The following CDH13 variants were observed in gnomAD, a reference collection of about 807,000 sequenced individuals.
The protein encoded by CDH13 is cadherin 13, also known as cadherin-13.
In CDH13, 24 loss-of-function variants were observed where a neutral mutation model predicts 63.8. The ratio of observed to expected loss-of-function variants is 0.38; its 90% CI spans 0.27 to 0.53. The LOEUF (loss-of-function observed/expected upper bound fraction) is 0.53, where lower values mean the gene tolerates loss of function less well. Among genes scored for constraint, CDH13 ranks in the 20% least tolerant of loss-of-function variants. CDH13 has a pLI of 0.85. For synonymous variants in CDH13, 503 were observed against 355.3 expected, an observed-to-expected ratio of 1.42 and a Z score of -4.67; for missense variants, 1,049 against 903.1, an observed-to-expected ratio of 1.16 and a Z score of -2.07.
chr16:83,513,119 C>G (rs1009954845), intron 7 of CDH13, among the ~76,000 whole-genome samples: 12 of 151,906 alleles, frequency 7.9e-5, no homozygotes, highest in Non-Finnish European at 1.5e-4. Context: ...TGTCTTCGAG[C>G]CTATAATGCC....
At chr16:83,141,395 TTGA>T (rs2036523215) in intron 4 of CDH13, among the ~76,000 whole-genome samples, 1 of 152,212 alleles carries the variant, frequency 6.6e-6, no homozygotes, top group African/African-American at 2.4e-5. Flanking sequence ...CTTGACATAA[TTGA>T]TGTCAGCATG....
At chr16:83,275,927 G>T (rs2088972819) in intron 5 of CDH13, among the ~76,000 whole-genome samples, 1 of 152,096 alleles carries the variant, frequency 6.6e-6, no homozygotes, top group South Asian at 2.1e-4. Context: ...TATGCTTTAT[G>T]TTCTATAATA....
chr16:83,031,696 T>C (rs1341956911), intron 2 of CDH13, among the ~76,000 whole-genome samples: 6 of 152,120 alleles, frequency 3.9e-5, no homozygotes, highest in Non-Finnish European at 8.8e-5. Context: ...ATGCCAGGAT[T>C]AGATCACTTC....
intron 5 of CDH13, among the ~76,000 whole-genome samples, chr16:83,316,513 T>G (rs2090108717): frequency 6.6e-6 from 1 of 151,812 alleles, no homozygotes; most frequent in Non-Finnish European, 1.5e-5. Context: ...AAAGCAGAAG[T>G]GGGGCAAATG....
At chr16:83,181,015 A>G in intron 4 of CDH13, 2 of 1,523,340 alleles carry the variant, frequency 1.3e-6, no homozygotes, top group Non-Finnish European at 1.8e-6. Context: ...CAAACATTTT[A>G]CTTCCCACTA....
At chr16:83,046,534 G>A (rs1173593717) in intron 3 of CDH13, among the ~76,000 whole-genome samples, 2 of 152,142 alleles carry the variant, frequency 1.3e-5, no homozygotes, top group Non-Finnish European at 2.9e-5. Context: ...ACATAGGCAG[G>A]AAAATTTCAA....
At chr16:82,922,431 G>A (rs549933510) in intron 2 of CDH13, among the ~76,000 whole-genome samples, 3 of 152,272 alleles carry the variant, frequency 2.0e-5, no homozygotes, top group East Asian at 3.9e-4. Context: ...TCAGATTAGT[G>A]TATAGAAGTT....
chr16:83,326,725 A>C (rs969591090), intron 5 of CDH13, among the ~76,000 whole-genome samples: 2 of 152,232 alleles, frequency 1.3e-5, no homozygotes, highest in Non-Finnish European at 2.9e-5. Flanking sequence ...GGAACAAGTC[A>C]CTAAGACACT....
At chr16:83,308,277 TG>T in intron 5 of CDH13, among the ~76,000 whole-genome samples, 1 of 152,186 alleles carries the variant, frequency 6.6e-6, no homozygotes, top group Non-Finnish European at 1.5e-5. Flanking sequence ...AAGCCAGGAA[TG>T]ACCTGGCTCA....
intron 10 of CDH13, among the ~76,000 whole-genome samples, chr16:83,736,287 T>A (rs1012079805): frequency 6.6e-6 from 1 of 152,218 alleles, no homozygotes; most frequent in African/African-American, 2.4e-5. Flanking sequence ...GATAAGTGTA[T>A]TTCTGGATTT....
chr16:83,188,638 G>T lies in CDH13; in HGVS notation c.484-28707G>T, dbSNP rs1389861543. 3.9e-5 allele frequency among the ~76,000 whole-genome samples: 6 copies of T among 152,110 alleles called. No homozygotes were observed. In the East Asian group the frequency reaches 1.2e-3, roughly 29 times the overall value. On this transcript the variant is annotated intron_variant, in intron 4 of 13. Coordinates refer to ENST00000567109, the MANE Select transcript of CDH13 (RefSeq NM_001257.5). ...TGTAACAGGCTGCCTCCCCTCCAAA[G>T]TCTGCAGGAAATTTAAGCCTCCTGG...
chr16:82,958,300 C>A (rs62037232), intron 2 of CDH13, among the ~76,000 whole-genome samples: 164 of 152,234 alleles, frequency 1.1e-3, no homozygotes, highest in Non-Finnish European at 1.9e-3. Flanking sequence ...TCTGATATAT[C>A]GTTCATGCTT....
At chr16:83,226,499 G>A (rs2151798064) in intron 5 of CDH13, among the ~76,000 whole-genome samples, 1 of 152,254 alleles carries the variant, frequency 6.6e-6, no homozygotes, top group Non-Finnish European at 1.5e-5. Context: ...TTGCACCTGT[G>A]GCACCTGGCC....
At chr16:82,797,807 G>GTGTGTGTA (rs147687670) in intron 1 of CDH13, among the ~76,000 whole-genome samples, 30 of 150,302 alleles carry the variant, frequency 2.0e-4, no homozygotes, top group Non-Finnish European at 2.8e-4. Context: ...GTGTGTGTGT[G>GTGTGTGTA]TATACATGTG....
intron 4 of CDH13, among the ~76,000 whole-genome samples, chr16:83,186,074 G>A (rs1226067871): frequency 7.1e-6 from 1 of 140,194 alleles, no homozygotes; most frequent in Non-Finnish European, 1.6e-5. Context: ...TATTTTTAAA[G>A]GCATCTTTTT....
At chr16:83,486,395 C>A (rs1232573309) in intron 6 of CDH13, 82 bp from the exon 7 acceptor site, 3 of 1,176,112 alleles carry the variant, frequency 2.6e-6, no homozygotes, top group Non-Finnish European at 2.5e-6. Flanking sequence ...TGCTGCACTG[C>A]TATTGCCCAG....
chr16:83,786,777 G>A (rs546270343), intron 13 of CDH13, among the ~76,000 whole-genome samples: 3 of 152,054 alleles, frequency 2.0e-5, no homozygotes, highest in East Asian at 1.9e-4. Flanking sequence ...TAGTAGAGAC[G>A]AGGTTTCACC....
At chr16:83,347,538 C>G (rs768440983) in intron 6 of CDH13, among the ~76,000 whole-genome samples, 42 of 152,296 alleles carry the variant, frequency 2.8e-4, no homozygotes, top group African/African-American at 9.9e-4. Flanking sequence ...AGCACTGCGT[C>G]GAGTACTTAC....
intron 7 of CDH13, among the ~76,000 whole-genome samples, chr16:83,517,358 C>G (rs1444993890): frequency 1.3e-5 from 2 of 152,206 alleles, no homozygotes; most frequent in African/African-American, 4.8e-5. Flanking sequence ...CATAGCGCAA[C>G]AAAGTTTCTT....
Sources: gnomAD v4.1 joint callset for allele counts (sites outside exome capture counted in the v4.1 genomes callset) on GRCh38, gnomAD v4.1.1 for gene constraint, MANE v1.5 for transcripts, NCBI Gene and HGNC (gene_info 2026-07-23, HGNC 2026-07-21) for gene names.